The following ULK4 variants were observed in gnomAD, a reference collection of about 807,000 sequenced individuals.
ULK4 encodes unc-51 like kinase 4, also known as inactive serine/threonine-protein kinase ULK4.
In ULK4, 133 loss-of-function variants were observed where a neutral mutation model predicts 160.6. The ratio of observed to expected loss-of-function variants is 0.83; its 90% CI spans 0.72 to 0.96. The LOEUF is 0.96. Ranked by LOEUF, ULK4 falls within the 40% of genes least tolerant of loss-of-function variation. ULK4 has a pLI of 0.00. For synonymous variants in ULK4, 534 were observed against 539.8 expected (o/e 0.99, Z 0.15); for missense variants, 1,580 against 1,499.5 (o/e 1.05, Z -0.89).
chr3:41,265,031 G>A (rs1261960687), intron 35 of ULK4, among the ~76,000 whole-genome samples: 1 of 152,212 alleles, frequency 6.6e-6, no homozygotes, highest in African/African-American at 2.4e-5. Flanking sequence ...GAACTCCAGA[G>A]GCATCAAGTT....
chr3:41,717,813 C>A lies in ULK4; in HGVS notation c.2370G>T (p.Lys790Asn). ...ERDSRKTTPG[K>N]EQQSGNEYLS... Reference sequence around the variant, plus strand: ...GGTATTCATTGCCACTTTGCTGCTCCTTGCCTGGAGTGGTCTTTCTGCTGT... The same window carrying A: ...GGTATTCATTGCCACTTTGCTGCTCATTGCCTGGAGTGGTCTTTCTGCTGT... Residue 790 changes from lysine (K) to asparagine (N), a missense_variant, in exon 23 of 37, where the codon AAG (lysine) becomes AAT (asparagine). Lys to Asn is a moderately conservative substitution (Grantham distance 94). Coordinates refer to ENST00000301831, the MANE Select transcript of ULK4 (RefSeq NM_017886.4). 2.5e-6 allele frequency: 4 copies of A among 1,614,082 alleles called. No homozygotes were observed. The highest frequency in any genetic ancestry group is 3.4e-6 in the Non-Finnish European group (4 of 1,179,974).
rs144364409 is a variant in ULK4 at position 41,267,159 on chromosome 3, C to T, written c.3679-17585G>A. On this transcript the variant is annotated intron_variant, in intron 35 of 36. Transcript: ENST00000301831. ...ATTGACCCGTCTTCTAAGTTGCCTC[C>T]CCTTGCCCCGCATCCCCCAACAGGC... Among the ~76,000 whole-genome samples the T allele has an allele frequency of 8.7e-3, 1,328 of 151,976 alleles. 5 individuals carry two copies. Among genetic ancestry groups the T allele is most frequent in the Non-Finnish European group, 0.014 (962 of 67,976 alleles).
chr3:41,311,789 T>C (rs2080053986), intron 35 of ULK4, among the ~76,000 whole-genome samples: 1 of 151,452 alleles, frequency 6.6e-6, no homozygotes, highest in African/African-American at 2.4e-5. Flanking sequence ...AGGATGGTCT[T>C]GATCTCCTGA....
chr3:41,691,286 CAG>C (rs1186777032), intron 27 of ULK4, among the ~76,000 whole-genome samples: 1 of 151,918 alleles, frequency 6.6e-6, no homozygotes, highest in Non-Finnish European at 1.5e-5. Context: ...AGGGAAGCAT[CAG>C]GGGGAAAGAG....
intron 32 of ULK4, among the ~76,000 whole-genome samples, chr3:41,515,652 G>C (rs2085725882): frequency 1.3e-5 from 2 of 152,170 alleles, no homozygotes; most frequent in African/African-American, 4.8e-5. Context: ...AGTGCCAGTA[G>C]GGGAAACGCC....
At chr3:41,953,285 C>CATATATAT (rs1553692179) in intron 2 of ULK4, among the ~76,000 whole-genome samples, 15 of 85,924 alleles carry the variant, frequency 1.7e-4, no homozygotes, top group African/African-American at 3.0e-4. Context: ...CATATATACA[C>CATATATAT]ATATATATAT....
At chr3:41,477,367 T>C (rs1257414879) in intron 32 of ULK4, among the ~76,000 whole-genome samples, 1 of 152,222 alleles carries the variant, frequency 6.6e-6, no homozygotes, top group Non-Finnish European at 1.5e-5. Flanking sequence ...TTTCCAAGCT[T>C]TAGAAAGTGC....
At chr3:41,665,912 C>A (rs953354576) in intron 29 of ULK4, among the ~76,000 whole-genome samples, 13 of 152,222 alleles carry the variant, frequency 8.5e-5, no homozygotes, top group Admixed American at 8.5e-4. Flanking sequence ...TCACAAAACT[C>A]AGAAAACTTG....
At chr3:41,580,896 G>A (rs1041752911) in intron 31 of ULK4, among the ~76,000 whole-genome samples, 2 of 152,120 alleles carry the variant, frequency 1.3e-5, no homozygotes, top group Non-Finnish European at 2.9e-5. Flanking sequence ...ATTACTCCCA[G>A]GAAAGACCAC....
intron 8 of ULK4, among the ~76,000 whole-genome samples, chr3:41,915,143 G>A (rs900477827): frequency 2.6e-5 from 4 of 152,050 alleles, no homozygotes; most frequent in Non-Finnish European, 5.9e-5. Context: ...AAGTAAATTA[G>A]GTATAGTTAC....
chr3:41,370,771 C>T (rs537152504), intron 35 of ULK4, among the ~76,000 whole-genome samples: 4 of 152,276 alleles, frequency 2.6e-5, no homozygotes, highest in Admixed American at 6.5e-5. Context: ...ACCCCAGTGG[C>T]GCCTGGAACG....
chr3:41,643,277 C>G (rs1340534292), intron 30 of ULK4, among the ~76,000 whole-genome samples: 1 of 152,066 alleles, frequency 6.6e-6, no homozygotes, highest in African/African-American at 2.4e-5. Flanking sequence ...ATGCCTATGT[C>G]CTGAATGGTA....
At chr3:41,634,280 TG>T (rs2033865225) in intron 30 of ULK4, among the ~76,000 whole-genome samples, 1 of 152,348 alleles carries the variant, frequency 6.6e-6, no homozygotes, top group East Asian at 1.9e-4. Context: ...ACCATCACTC[TG>T]GCTCTGAAAG....
chr3:41,479,324 T>C (rs771093928), intron 32 of ULK4, among the ~76,000 whole-genome samples: 1 of 152,230 alleles, frequency 6.6e-6, no homozygotes, highest in Admixed American at 6.5e-5. Flanking sequence ...ATTTATAATG[T>C]AAATTTTACA....
At chr3:41,529,298 T>A (rs956154139) in intron 32 of ULK4, among the ~76,000 whole-genome samples, 2 of 152,206 alleles carry the variant, frequency 1.3e-5, no homozygotes, top group African/African-American at 4.8e-5. Context: ...TAAATTAAAC[T>A]TACTCTTCAA....
intron 35 of ULK4, among the ~76,000 whole-genome samples, chr3:41,305,837 A>C: frequency 6.0e-5 from 7 of 116,882 alleles, no homozygotes; most frequent in African/African-American, 2.1e-4. Context: ...CCGGCCGCCC[A>C]TAGTCTGAGA....
At chr3:41,302,092 T>C (rs1161246834) in intron 35 of ULK4, among the ~76,000 whole-genome samples, 1 of 152,224 alleles carries the variant, frequency 6.6e-6, no homozygotes, top group Non-Finnish European at 1.5e-5. Context: ...CTGAGAAGAA[T>C]GTTTGGCAAA....
chr3:41,542,306 T>A (rs2086723453), intron 32 of ULK4, among the ~76,000 whole-genome samples: 1 of 152,174 alleles, frequency 6.6e-6, no homozygotes, highest in South Asian at 2.1e-4. Flanking sequence ...TCTGTTTATG[T>A]GATGTATTAC....
intron 32 of ULK4, among the ~76,000 whole-genome samples, chr3:41,544,167 C>T (rs2086782472): frequency 2.0e-5 from 3 of 149,136 alleles, no homozygotes; most frequent in African/African-American, 5.0e-5. Flanking sequence ...AAATCAGACC[C>T]TCCCACTGAG....
Sources: gnomAD v4.1 joint callset for allele counts (sites outside exome capture counted in the v4.1 genomes callset) on GRCh38, gnomAD v4.1.1 for gene constraint, MANE v1.5 for transcripts, NCBI Gene and HGNC (gene_info 2026-07-23, HGNC 2026-07-21) for gene names.